UNC13C: variants seen among roughly 807,000 people sequenced by gnomAD.
UNC13C encodes protein unc-13 homolog C.
Under a neutral mutation model 245.4 loss-of-function variants are expected in UNC13C, and 174 were observed. The ratio of observed to expected loss-of-function variants is 0.71; its 90% confidence interval spans 0.63 to 0.80. UNC13C has a LOEUF of 0.80. UNC13C is among the 30% of genes least tolerant of loss of function. The pLI is 0.00. For missense variants in UNC13C, 2,829 were observed against 2,602.9 expected (o/e 1.09, Z -1.89); for synonymous variants, 992 against 895.1 (o/e 1.11, Z -1.93).
intron 2 of UNC13C, among the ~76,000 whole-genome samples, chr15:54,046,058 T>C (rs1897023651): frequency 6.6e-6 from 1 of 152,218 alleles, no homozygotes; most frequent in Admixed American, 6.5e-5. Flanking sequence ...TGCTGTTTTT[T>C]TAACCCAACA....
the UNC13C span, among the ~76,000 whole-genome samples, chr15:53,879,812 C>G: frequency 1.3e-5 from 2 of 152,104 alleles, no homozygotes; most frequent in Non-Finnish European, 2.9e-5. Flanking sequence ...GTCTTGAACT[C>G]CTGACCTCAC....
chr15:54,484,081 T>TA (rs1215814133), intron 19 of UNC13C, among the ~76,000 whole-genome samples: 11 of 59,326 alleles, frequency 1.9e-4, no homozygotes, highest in African/African-American at 5.8e-4. Context: ...CTGGCTTCCC[T>TA]GAAAAAAAAA....
chr15:54,028,953 C>T (rs970231989), intron 2 of UNC13C, among the ~76,000 whole-genome samples: 1 of 152,094 alleles, frequency 6.6e-6, no homozygotes, highest in Admixed American at 6.6e-5. Context: ...TTCAGCCAAA[C>T]CAGTAAGTAA....
intron 2 of UNC13C, among the ~76,000 whole-genome samples, chr15:54,033,445 G>A (rs905010241): frequency 1.3e-5 from 2 of 152,110 alleles, no homozygotes; most frequent in East Asian, 1.9e-4. Flanking sequence ...TATTGTCGTG[G>A]GATTTTTGAA....
chr15:54,200,533 G>A (rs956353024), intron 4 of UNC13C, among the ~76,000 whole-genome samples: 3 of 151,868 alleles, frequency 2.0e-5, no homozygotes, highest in African/African-American at 7.2e-5. Flanking sequence ...TCAAAACCGT[G>A]CAAATACGTG....
intron 29 of UNC13C, among the ~76,000 whole-genome samples, chr15:54,556,808 T>A (rs1265324489): frequency 6.6e-6 from 1 of 151,996 alleles, no homozygotes; most frequent in East Asian, 1.9e-4. Context: ...ATTTGGCATC[T>A]GAATTCAACT....
At chr15:54,150,513 CTG>C (rs932016592) in intron 4 of UNC13C, among the ~76,000 whole-genome samples, 50 of 152,318 alleles carry the variant, frequency 3.3e-4, no homozygotes, top group African/African-American at 1.1e-3. Context: ...ATTAGGAAAA[CTG>C]TTAACCACAA....
chr15:54,123,366 T>C (rs895280745), intron 2 of UNC13C, among the ~76,000 whole-genome samples: 1 of 151,416 alleles, frequency 6.6e-6, no homozygotes, highest in Non-Finnish European at 1.5e-5. Flanking sequence ...TACTTATATA[T>C]ACATTTATAT....
At chr15:54,122,871 T>C (rs1370342362) in intron 2 of UNC13C, among the ~76,000 whole-genome samples, 1 of 152,108 alleles carries the variant, frequency 6.6e-6, no homozygotes, top group Non-Finnish European at 1.5e-5. Context: ...TTGACATTTA[T>C]GTTATTTCCA....
rs77215644 is a variant in UNC13C, at chr15:54,102,748, T to C, written c.2984-40270T>C. 7.0e-3 allele frequency among the ~76,000 whole-genome samples: 1,059 copies of C among 152,348 alleles called. 3 individuals carry two copies. The highest frequency in any genetic ancestry group is 0.014 in the Middle Eastern group (4 of 294). Reference sequence around the variant, plus strand: ...GTCTTTCTTCCTCTGCGTCTCTCTTTAGCCATATTTCCCTGATATGCTCAG... The same window carrying C: ...GTCTTTCTTCCTCTGCGTCTCTCTTCAGCCATATTTCCCTGATATGCTCAG... On this transcript the variant is annotated intron_variant, in intron 2 of 32. Transcript: ENST00000260323.
At chr15:54,317,013 T>C (rs1334098509) in intron 13 of UNC13C, among the ~76,000 whole-genome samples, 1 of 152,010 alleles carries the variant, frequency 6.6e-6, no homozygotes, top group East Asian at 1.9e-4. Context: ...AGGAATACAG[T>C]AAGTACATAA....
chr15:54,215,548 G>A (rs560956594), intron 4 of UNC13C, among the ~76,000 whole-genome samples: 1 of 152,060 alleles, frequency 6.6e-6, no homozygotes, highest in African/African-American at 2.4e-5. Flanking sequence ...GTGTTAAGGA[G>A]CATTATTGAG....
chr15:54,023,959 CAT>C (rs1316471151), intron 2 of UNC13C, among the ~76,000 whole-genome samples: 1 of 152,124 alleles, frequency 6.6e-6, no homozygotes. Context: ...AGCTCAGAGA[CAT>C]ATTTTTATAG....
chr15:54,090,033 G>A lies in UNC13C; in HGVS notation c.2984-52985G>A, dbSNP rs530210524. 2.0e-5 allele frequency among the ~76,000 whole-genome samples: 3 copies of A among 152,290 alleles called. No individual in the cohort carries two copies. The East Asian group carries it at 5.8e-4, about 29-fold the overall frequency. The stretch of plus-strand genomic sequence containing the variant: ...CACAAACAGCCTGGGGCTCACATGT[G>A]TTTCCTTTGCTGATGTACAGGAGAA... On this transcript the variant is annotated intron_variant, in intron 2 of 32. Transcript: ENST00000260323.
the UNC13C span, among the ~76,000 whole-genome samples, chr15:53,922,592 T>C: frequency 6.6e-6 from 1 of 152,224 alleles, no homozygotes; most frequent in African/African-American, 2.4e-5. Context: ...TATTCCTTTT[T>C]ATATTAAGCA....
chr15:54,449,677 T>C (rs1487895436), intron 19 of UNC13C, among the ~76,000 whole-genome samples: 1 of 152,174 alleles, frequency 6.6e-6, no homozygotes, highest in Middle Eastern at 3.2e-3. Flanking sequence ...GCCATTCGAC[T>C]AATCATTTTT....
intron 2 of UNC13C, among the ~76,000 whole-genome samples, chr15:54,106,436 T>C (rs565489257): frequency 1.3e-5 from 2 of 152,322 alleles, no homozygotes; most frequent in African/African-American, 2.4e-5. Context: ...CAAAAATATT[T>C]TCAGGTTTGC....
intron 18 of UNC13C, among the ~76,000 whole-genome samples, chr15:54,397,035 T>C (rs2040084707): frequency 6.6e-6 from 1 of 151,410 alleles, no homozygotes; most frequent in African/African-American, 2.4e-5. Context: ...AAAATTTTGA[T>C]GGAATAGTCC....
chr15:54,613,628 G>A (rs1201776727), intron 30 of UNC13C, among the ~76,000 whole-genome samples: 1 of 151,896 alleles, frequency 6.6e-6, no homozygotes, highest in Non-Finnish European at 1.5e-5. Flanking sequence ...AGACCAGGGA[G>A]GAGAACTCAT....
Sources: allele counts gnomAD v4.1 joint callset (sites outside exome capture counted in the v4.1 genomes callset), GRCh38; gene constraint gnomAD v4.1.1; transcripts MANE v1.5; gene names NCBI Gene and HGNC (gene_info 2026-07-23, HGNC 2026-07-21).